Variants in DESI2 observed in about 807,000 individuals in gnomAD.
The protein encoded by DESI2 is deubiquitinase DESI2.
In DESI2, 10 loss-of-function variants were observed where a neutral mutation model predicts 24.1. That is an observed-to-expected ratio of 0.41 (90% confidence interval 0.26 to 0.70). The LOEUF (loss-of-function observed/expected upper bound fraction) is 0.70. Among genes scored for constraint, DESI2 ranks in the 30% least tolerant of loss-of-function variants. The pLI is 0.29. For synonymous variants in DESI2, 71 were observed against 87.7 expected, an observed-to-expected ratio of 0.81 and a Z score of 1.06; for missense variants, 122 against 234.9, an observed-to-expected ratio of 0.52 and a Z score of 3.14.
intron 1 of DESI2, among the ~76,000 whole-genome samples, chr1:244,665,003 A>G (rs1675993224): frequency 6.6e-6 from 1 of 152,170 alleles, no homozygotes; most frequent in African/African-American, 2.4e-5. Context: ...TACTATGTTT[A>G]TGTTGTACTA....
intron 1 of DESI2, among the ~76,000 whole-genome samples, chr1:244,664,445 C>A (rs1180582098): frequency 1.3e-5 from 2 of 152,026 alleles, no homozygotes; most frequent in African/African-American, 4.8e-5. Context: ...GAGAAAAGTT[C>A]AATATGAAAT....
At chr1:244,701,929 T>C (rs972999781) in intron 4 of DESI2, among the ~76,000 whole-genome samples, 3 of 152,256 alleles carry the variant, frequency 2.0e-5, no homozygotes, top group African/African-American at 4.8e-5. Context: ...TGAATAACCC[T>C]GTACATACAT....
intron 1 of DESI2, among the ~76,000 whole-genome samples, chr1:244,684,796 A>G (rs1437155117): frequency 6.6e-6 from 1 of 152,200 alleles, no homozygotes; most frequent in Non-Finnish European, 1.5e-5. Flanking sequence ...AATAGATTCC[A>G]GAAGGTGAAA....
At chr1:244,674,594 A>C (rs1270300712) in intron 1 of DESI2, among the ~76,000 whole-genome samples, 1 of 152,158 alleles carries the variant, frequency 6.6e-6, no homozygotes, top group African/African-American at 2.4e-5. Flanking sequence ...ATTTCATATA[A>C]ATGGAATCAT....
At chr1:244,704,617 A>C (rs765177289) in intron 4 of DESI2, among the ~76,000 whole-genome samples, 5 of 152,098 alleles carry the variant, frequency 3.3e-5, no homozygotes, top group African/African-American at 1.2e-4. Context: ...CTCTAGGCCT[A>C]CTTCTGCAGA....
At chr1:244,670,320 A>C (rs867243062) in intron 1 of DESI2, among the ~76,000 whole-genome samples, 4 of 152,196 alleles carry the variant, frequency 2.6e-5, no homozygotes, top group African/African-American at 9.6e-5. Flanking sequence ...ATTGTTTGCT[A>C]TTCATTTTGG....
intron 4 of DESI2, among the ~76,000 whole-genome samples, chr1:244,701,212 T>TCCCCCCCCCC (rs1677442100): frequency 3.5e-5 from 2 of 57,718 alleles, no homozygotes; most frequent in African/African-American, 2.4e-4. Flanking sequence ...CACCTTCCCC[T>TCCCCCCCCCC]CCACCCCCCC....
chr1:244,694,994 A>G (rs972531653), intron 4 of DESI2, among the ~76,000 whole-genome samples: 1 of 152,252 alleles, frequency 6.6e-6, no homozygotes, highest in Admixed American at 6.5e-5. Context: ...AAACAAGTCC[A>G]GAATAAGGCA....
chr1:244,670,114 ACC>A (rs1411037835), intron 1 of DESI2, among the ~76,000 whole-genome samples: 1 of 151,954 alleles, frequency 6.6e-6, no homozygotes, highest in Non-Finnish European at 1.5e-5. Flanking sequence ...ATGCCACCAC[ACC>A]CAGCTAATTT....
intron 4 of DESI2, among the ~76,000 whole-genome samples, chr1:244,692,632 C>G (rs574281420): frequency 6.6e-6 from 1 of 152,298 alleles, no homozygotes; most frequent in African/African-American, 2.4e-5. Context: ...TGGCAGCGTC[C>G]AGGTGCCACA....
intron 4 of DESI2, among the ~76,000 whole-genome samples, chr1:244,697,278 C>T (rs569685667): frequency 3.7e-4 from 56 of 151,914 alleles, no homozygotes; most frequent in South Asian, 2.3e-3. Flanking sequence ...GAGGTTGAGG[C>T]GGGCAGATCA....
At chr1:244,702,036 C>G (rs759778123) in intron 4 of DESI2, among the ~76,000 whole-genome samples, 31 of 152,180 alleles carry the variant, frequency 2.0e-4, no homozygotes, top group Non-Finnish European at 4.0e-4. Context: ...GCTATATAAA[C>G]CAAATACTAT....
At chr1:244,676,797 T>C (rs1328235501) in intron 1 of DESI2, among the ~76,000 whole-genome samples, 1 of 147,814 alleles carries the variant, frequency 6.8e-6, no homozygotes, top group Non-Finnish European at 1.5e-5. Context: ...TTGTATAAAA[T>C]ATATATTATA....
chr1:244,699,760 T>C (rs1447080121), intron 4 of DESI2, among the ~76,000 whole-genome samples: 1 of 152,196 alleles, frequency 6.6e-6, no homozygotes, highest in Non-Finnish European at 1.5e-5. Flanking sequence ...AAACAAACCC[T>C]GGCACCTAGG....
At position 244,707,784 on chromosome 1, in the gene DESI2, A is replaced by C. The variant is rs1677768513; in HGVS notation, c.*1995A>C. 6.6e-6 allele frequency: 1 copy of C among 152,224 alleles called. No individual in the cohort carries two copies. The highest frequency in any genetic ancestry group is 2.1e-4 in the South Asian group (1 of 4,834). The allele number at this position is 152,224 out of a possible 1,614,324, so 9.4% of individuals were successfully genotyped here. On this transcript the variant is annotated 3_prime_UTR_variant, in exon 5 of 5. Coordinates refer to ENST00000302550, the MANE Select transcript of DESI2 (RefSeq NM_016076.5). ...AACATCCCATCTGTGCTTAACCAGA[A>C]TCCAGCAAGTCAGCACACAAGTGAT... is the stretch of plus-strand genomic sequence containing the variant.
chr1:244,658,148 C>G (rs1487730957), intron 1 of DESI2, among the ~76,000 whole-genome samples: 1 of 152,172 alleles, frequency 6.6e-6, no homozygotes, highest in African/African-American at 2.4e-5. Flanking sequence ...GTTTCAGTCT[C>G]TAGTATTACT....
chr1:244,705,438 G>A (rs1451818390), intron 4 of DESI2, 118 bp from the exon 5 acceptor site: 1 of 738,642 alleles, frequency 1.4e-6, no homozygotes, highest in Non-Finnish European at 2.3e-6. Flanking sequence ...ACCACTGAAG[G>A]CTAGTCTGCC....
At chr1:244,666,816 C>T (rs1450185556) in intron 1 of DESI2, among the ~76,000 whole-genome samples, 2 of 152,114 alleles carry the variant, frequency 1.3e-5, no homozygotes, top group Non-Finnish European at 2.9e-5. Context: ...CTTACAGTTC[C>T]ATGTGGCTCG....
Position 244,694,726 on chromosome 1 carries a change from T to A in DESI2, c.351+2706T>A. The A allele has an allele frequency of 5.9e-6, 4 of 673,096 alleles. No individual in the cohort carries two copies. In the Middle Eastern group the frequency reaches 1.2e-3, roughly 206 times the overall value. 41.7% of individuals were successfully genotyped at this position (673,096 alleles called of 1,614,324 possible). The stretch of plus-strand genomic sequence containing the variant: ...GATGATGTTGCCTTCGTCACCTTGC[T>A]TCTGTGGCTAAGACCAGAGAGATTC... On this transcript the variant is annotated intron_variant, in intron 4 of 4. Transcript: ENST00000302550.
Sources: gnomAD v4.1 joint callset for allele counts (sites outside exome capture counted in the v4.1 genomes callset) on GRCh38, gnomAD v4.1.1 for gene constraint, MANE v1.5 for transcripts, NCBI Gene and HGNC (gene_info 2026-07-23, HGNC 2026-07-21) for gene names.